Variants in ZDBF2 observed in about 807,000 individuals in gnomAD.
ZDBF2 encodes zinc finger DBF-type containing 2.
A neutral mutation model predicts 9.4 loss-of-function variants in ZDBF2; 6 were observed. The observed-to-expected ratio is 0.64, with a 90% CI of 0.35 to 1.27. The LOEUF is 1.27. Ranked by LOEUF, ZDBF2 falls within the 50% of genes most tolerant of loss-of-function variation. The pLI, the probability that ZDBF2 is intolerant of heterozygous loss-of-function variation, is 0.03. For synonymous variants in ZDBF2, 905 were observed against 946.3 expected, an observed-to-expected ratio of 0.96 and a Z score of 0.80; for missense variants, 2,697 against 2,766.8, an observed-to-expected ratio of 0.97 and a Z score of 0.57.
rs765265514 is a variant in ZDBF2 at position 206,309,577 on chromosome 2, T to C, written c.5049T>C (p.Ala1683=). ...SHRTTHRLQK[A]HKEASLRKDP... ...GAACGACTCACCGACTGCAGAAAGC[T>C]CACAAAGAAGCCAGTCTTCGGAAGG... Residue 1683 remains alanine (A), a synonymous_variant, in exon 5 of 5, where the codon GCT becomes GCC. Coordinates refer to ENST00000374423, the MANE Select transcript of ZDBF2 (RefSeq NM_020923.3). 1 of 1,613,870 alleles carries C rather than the reference T, an allele frequency of 6.2e-7. No homozygotes were observed. Among genetic ancestry groups the C allele is most frequent in the South Asian group, 1.1e-5 (1 of 91,068 alleles).
Position 206,313,479 on chromosome 2 carries a change from A to G in ZDBF2, c.*1886A>G, listed in dbSNP as rs562066172. On this transcript the variant is annotated 3_prime_UTR_variant, in exon 5 of 5. Transcript: ENST00000374423. ...TAATTTAGGAACAAAGCTTTGTCCT[A>G]CTGACTAGGAAGTAAACAAACAGCT... The G allele has an allele frequency of 6.6e-6, 1 of 152,316 alleles. No homozygotes were observed. Among genetic ancestry groups the G allele is most frequent in the Admixed American group, 6.5e-5 (1 of 15,306 alleles). 9.4% of individuals were successfully genotyped at this position (152,316 alleles called of 1,614,324 possible).
chr2:206,305,011 A>G lies in ZDBF2; in HGVS notation c.483A>G (p.Lys161=). The change falls in exon 5 of 5, where the codon AAA becomes AAG. Residue 161 remains lysine (K), a synonymous_variant. Coordinates refer to ENST00000374423, the MANE Select transcript of ZDBF2 (RefSeq NM_020923.3). ...FVHKIGASVR[K]CNLVDIGQAT... ...ATAAAATTGGGGCCAGTGTGAGAAA[A>G]TGTAACCTAGTAGATATTGGTCAGG... is the stretch of plus-strand genomic sequence containing the variant. The G allele has an allele frequency of 6.2e-7, 1 of 1,613,694 alleles. No homozygotes were observed. Among genetic ancestry groups the G allele is most frequent in the Non-Finnish European group, 8.5e-7 (1 of 1,179,774 alleles).
chr2:206,296,545 T>TA (rs1692188530), intron 3 of ZDBF2, among the ~76,000 whole-genome samples: 1 of 152,182 alleles, frequency 6.6e-6, no homozygotes, highest in African/African-American at 2.4e-5. Context: ...AGGAAAAACA[T>TA]ATATAGGTTT....
At position 206,311,202 on chromosome 2, in the gene ZDBF2, A is replaced by G. The variant is rs746750821; in HGVS notation, c.6674A>G (p.Lys2225Arg). 1 of 1,612,578 alleles carries G rather than the reference A, an allele frequency of 6.2e-7. No homozygotes were observed. Among genetic ancestry groups the G allele is most frequent in the South Asian group, 1.1e-5 (1 of 90,678 alleles). ...ACCAAACCAAGTGATATCATTAGAA[A>G]GTATATTTCGAAATACTCTGTCTTT... Reference protein sequence around the residue: ...IRTKPSDIIRKYISKYSVFLR... With the variant: ...IRTKPSDIIRRYISKYSVFLR... Residue 2225 changes from lysine to arginine, a missense_variant, in exon 5 of 5, where the codon AAG (lysine) becomes AGG (arginine). Transcript: ENST00000374423.
At chr2:206,288,617 G>A (rs1297320700) in intron 3 of ZDBF2, among the ~76,000 whole-genome samples, 1 of 152,160 alleles carries the variant, frequency 6.6e-6, no homozygotes, top group East Asian at 1.9e-4. Context: ...ACCTATTGTT[G>A]CACTTGGATC....
In ZDBF2 at chr2:206,307,451, G is replaced by A; in HGVS notation, c.2923G>A (p.Val975Ile). The A allele has an allele frequency of 6.2e-7, 1 of 1,612,138 alleles. No individual in the cohort carries two copies. The highest frequency in any genetic ancestry group is 1.1e-5 in the South Asian group (1 of 90,408). The change falls in exon 5 of 5, where the codon GTC becomes ATC. Residue 975 changes from valine (V) to isoleucine (I), a missense_variant. This residue lies in a region of ZDBF2 where 1,783 missense variants were observed against 1,776.5 expected (regional missense o/e 1.00). Transcript: ENST00000374423. ...AGCGACTCACAAACCTGAAGTAATT[G>A]TCAAAGAAACATGGCTTCAAAGAGA... ...QAATHKPEVI[V>I]KETWLQREKH...
At chr2:206,280,043 G>A (rs974937535) in intron 2 of ZDBF2, among the ~76,000 whole-genome samples, 10 of 152,264 alleles carry the variant, frequency 6.6e-5, no homozygotes, top group Admixed American at 3.9e-4. Context: ...AACCGCAGGC[G>A]ATCCACCTGC....
chr2:206,293,488 G>A (rs569867902), intron 3 of ZDBF2, among the ~76,000 whole-genome samples: 3 of 152,268 alleles, frequency 2.0e-5, no homozygotes, highest in African/African-American at 7.2e-5. Context: ...TTAAGAAAGT[G>A]AAAAGAAGCT....
In ZDBF2 at chr2:206,307,154, T is replaced by C. The variant is rs762434851; in HGVS notation, c.2626T>C (p.Ser876Pro). Residue 876 changes from serine to proline, a missense_variant, in exon 5 of 5, where the codon TCC becomes CCC. By Grantham distance (74) the Ser-to-Pro change is moderately conservative (BLOSUM62 -1). Around this residue, in one of 3 missense-constraint regions of ZDBF2, gnomAD observed 1,783 missense variants for 1,776.5 expected, o/e 1.00. Coordinates refer to ENST00000374423, the MANE Select transcript of ZDBF2 (RefSeq NM_020923.3). Reference sequence around the variant, plus strand: ...CAGTGGTTCTGAAATAAGTTCGGATTCCCATGCCCCTCTTCATTCAGTGAC... The same window carrying C: ...CAGTGGTTCTGAAATAAGTTCGGATCCCCATGCCCCTCTTCATTCAGTGAC... The part of the protein sequence containing the change: ...EPSGSEISSD[S>P]HAPLHSVTNS... 5 of 1,613,040 alleles carry C rather than the reference T, an allele frequency of 3.1e-6. No individual in the cohort carries two copies. Among genetic ancestry groups the C allele is most frequent in the Non-Finnish European group, 3.4e-6 (4 of 1,179,612 alleles).
chr2:206,295,117 G>A (rs1692099234), intron 3 of ZDBF2, among the ~76,000 whole-genome samples: 1 of 152,134 alleles, frequency 6.6e-6, no homozygotes, highest in African/African-American at 2.4e-5. Flanking sequence ...TCAGGAGCTA[G>A]CAACCTGATT....
chr2:206,283,751 C>T (rs765121035), intron 3 of ZDBF2, among the ~76,000 whole-genome samples: 1 of 152,130 alleles, frequency 6.6e-6, no homozygotes, highest in Non-Finnish European at 1.5e-5. Context: ...GTAGCCTCTG[C>T]CTCCTGGGCT....
intron 3 of ZDBF2, among the ~76,000 whole-genome samples, chr2:206,294,523 A>G (rs1692067632): frequency 2.0e-5 from 3 of 152,168 alleles, no homozygotes; most frequent in Admixed American, 6.5e-5. Flanking sequence ...GGGGGGACAC[A>G]TGTCCAGGCT....
chr2:206,277,242 C>T (rs1249392804), intron 1 of ZDBF2, among the ~76,000 whole-genome samples: 2 of 151,598 alleles, frequency 1.3e-5, no homozygotes, highest in Non-Finnish European at 2.9e-5. Context: ...AGACTCATTT[C>T]AGAAATATTT....
At chr2:206,303,793 C>T (rs1011656339) in intron 4 of ZDBF2, among the ~76,000 whole-genome samples, 2 of 152,102 alleles carry the variant, frequency 1.3e-5, no homozygotes, top group Non-Finnish European at 2.9e-5. Context: ...TTTTTCCCTT[C>T]TATTTTACAT....
chr2:206,306,683 C>T lies in ZDBF2; in HGVS notation c.2155C>T (p.His719Tyr), dbSNP rs1465585109. Residue 719 changes from histidine (H) to tyrosine (Y), a missense_variant, in exon 5 of 5, where the codon CAT becomes TAT. His to Tyr is a moderately conservative substitution (Grantham distance 83, BLOSUM62 2). This residue lies in a region of ZDBF2 where 910 missense variants were observed against 973.6 expected (regional missense o/e 0.93). Transcript: ENST00000374423. ...TCCGGCTTCTCTTTATCATTCAGCT[C>T]ATGATGAGCCTCAAGAAGCTTTGGA... ...DSPASLYHSA[H>Y]DEPQEALDEV... 3.1e-6 allele frequency: 5 copies of T among 1,613,806 alleles called. No individual in the cohort carries two copies. The highest frequency in any genetic ancestry group is 2.2e-5 in the East Asian group (1 of 44,882).
Position 206,311,386 on chromosome 2 carries a change from G to A in ZDBF2, c.6858G>A (p.Met2286Ile). The A allele has an allele frequency of 6.2e-7, 1 of 1,606,998 alleles. No homozygotes were observed. The highest frequency in any genetic ancestry group is 8.5e-7 in the Non-Finnish European group (1 of 1,176,660). Residue 2286 changes from methionine to isoleucine, a missense_variant, in exon 5 of 5, where the codon ATG becomes ATA. Met to Ile is a conservative substitution (Grantham distance 10). Around this residue, in one of 3 missense-constraint regions of ZDBF2, gnomAD observed 1,783 missense variants for 1,776.5 expected, o/e 1.00. Transcript: ENST00000374423. ...PAGAEELSSAMANPPPKRPVR... is the reference protein window; with the variant it reads ...PAGAEELSSAIANPPPKRPVR... ...GTGCCGAAGAGCTGTCAAGCGCTAT[G>A]GCAAATCCTCCTCCAAAGCGACCTG...
At position 206,309,756 on chromosome 2, in the gene ZDBF2, C is replaced by G; in HGVS notation, c.5228C>G (p.Pro1743Arg). The G allele has an allele frequency of 1.2e-6, 2 of 1,613,830 alleles. No homozygotes were observed. The highest frequency in any genetic ancestry group is 8.5e-7 in the Non-Finnish European group (1 of 1,179,858). ...AGAGATCTAGAAGTGAGCTGTGAAC[C>G]GGATGGTTTTGAGATGAATTTTCAG... ...KHRDLEVSCE[P>R]DGFEMNFQCA... Residue 1743 changes from proline (P) to arginine (R), a missense_variant, in exon 5 of 5, where the codon CCG becomes CGG. This residue lies in a region of ZDBF2 where 1,783 missense variants were observed against 1,776.5 expected (regional missense o/e 1.00). Transcript: ENST00000374423.
intron 3 of ZDBF2, among the ~76,000 whole-genome samples, chr2:206,282,875 T>G (rs1441205980): frequency 6.6e-6 from 1 of 152,218 alleles, no homozygotes; most frequent in African/African-American, 2.4e-5. Flanking sequence ...CACTCCTCCC[T>G]TCTGTCACCA....
chr2:206,280,263 C>G (rs1691243724), intron 2 of ZDBF2, among the ~76,000 whole-genome samples: 1 of 152,170 alleles, frequency 6.6e-6, no homozygotes, highest in Non-Finnish European at 1.5e-5. Flanking sequence ...CATTAAGGCA[C>G]TAGAGATGAC....
Sources: allele counts gnomAD v4.1 joint callset (sites outside exome capture counted in the v4.1 genomes callset), GRCh38; gene constraint gnomAD v4.1.1; regional missense constraint gnomAD v4.1.1; transcripts MANE v1.5; gene names NCBI Gene and HGNC (gene_info 2026-07-23, HGNC 2026-07-21).